USP43: variants seen among roughly 807,000 people sequenced by gnomAD.
USP43 encodes the protein ubiquitin specific peptidase 43.
In USP43, 33 loss-of-function variants were observed where a neutral mutation model predicts 90.7. That is an observed-to-expected ratio of 0.36 (90% CI 0.28 to 0.49). The LOEUF (loss-of-function observed/expected upper bound fraction) is 0.49. USP43 is among the 20% of genes least tolerant of loss of function. The probability of loss-of-function intolerance (pLI) is 0.98; values close to 1 mark genes in which losing one functional copy is unlikely to be tolerated. For missense variants in USP43, 1,274 were observed against 1,476.4 expected, an observed-to-expected ratio of 0.86 and a Z score of 2.25; for synonymous variants, 598 against 615.8, an observed-to-expected ratio of 0.97 and a Z score of 0.43.
intron 13 of USP43, 90 bp downstream of exon 13, chr17:9,710,204 GAGGTTGGCA>G: frequency 1.5e-6 from 2 of 1,321,920 alleles, no homozygotes; most frequent in Non-Finnish European, 1.9e-6. Context: ...AGGACCAGGA[GAGGTTGGCA>G]AGGATCTGAA....
chr17:9,684,811 A>G (rs2151978489), intron 7 of USP43, among the ~76,000 whole-genome samples: 1 of 152,134 alleles, frequency 6.6e-6, no homozygotes, highest in East Asian at 1.9e-4. Context: ...AGTGGGAGAA[A>G]TTCTGGTTGC....
At chr17:9,682,798 A>G (rs2151977541) in intron 6 of USP43, 25 bp from the exon 7 acceptor site, 3 of 1,611,762 alleles carry the variant, frequency 1.9e-6, no homozygotes, top group Middle Eastern at 3.3e-4. Flanking sequence ...AGGAATATGA[A>G]CAAATGTCAT....
At chr17:9,653,408 C>A (rs753126370) in intron 1 of USP43, among the ~76,000 whole-genome samples, 1 of 151,900 alleles carries the variant, frequency 6.6e-6, no homozygotes, top group African/African-American at 2.4e-5. Flanking sequence ...GCCAACATGG[C>A]GAAACCCCAT....
At position 9,669,207 on chromosome 17, in the gene USP43, G is replaced by A. The variant is rs146836755; in HGVS notation, c.740+2456G>A. On this transcript the variant is annotated intron_variant, in intron 3 of 14. Transcript: ENST00000285199. ...TGCTAGAACCAAAAATAAGGAGACA[G>A]AGGAAAAGCATAGAGAAAGTGAAAG... Among the ~76,000 whole-genome samples, 753 of 152,256 alleles carry A rather than the reference G, an allele frequency of 4.9e-3. 7 individuals carry two copies. Among genetic ancestry groups the A allele is most frequent in the African/African-American group, 0.017 (689 of 41,544 alleles).
intron 12 of USP43, among the ~76,000 whole-genome samples, chr17:9,706,007 G>A (rs1915855397): frequency 6.6e-6 from 1 of 152,162 alleles, no homozygotes; most frequent in African/African-American, 2.4e-5. Flanking sequence ...CTCCAGTAGA[G>A]TGTGTGATCA....
At position 9,671,155 on chromosome 17, in the gene USP43, C is replaced by T. The variant is rs535525205; in HGVS notation, c.741-3736C>T. On this transcript the variant is annotated intron_variant, in intron 3 of 14. Transcript: ENST00000285199. ...AAAGGAACCTCCAGTACTAGAGTAC[C>T]GAAGATCCTGGACTATAGCAAAGAT... Among the ~76,000 whole-genome samples the T allele has an allele frequency of 1.1e-4, 16 of 152,270 alleles. No individual in the cohort carries two copies. In the East Asian group the frequency reaches 2.7e-3, roughly 26 times the overall value.
intron 14 of USP43, among the ~76,000 whole-genome samples, chr17:9,727,049 C>T (rs371831179): frequency 1.3e-5 from 2 of 151,972 alleles, no homozygotes; most frequent in African/African-American, 4.8e-5. Context: ...TCACTGCAAC[C>T]TCCACCTCCA....
chr17:9,661,781 T>G (rs1912660640), intron 2 of USP43, among the ~76,000 whole-genome samples: 1 of 140,370 alleles, frequency 7.1e-6, no homozygotes, highest in African/African-American at 3.2e-5. Context: ...CTGCTGCCCC[T>G]CACTCCAGCC....
chr17:9,647,260 G>A (rs1911495705), intron 1 of USP43, among the ~76,000 whole-genome samples: 1 of 151,988 alleles, frequency 6.6e-6, no homozygotes, highest in Admixed American at 6.6e-5. Context: ...TGACCCATGA[G>A]ATGCCAACCC....
At chr17:9,714,666 G>C (rs1916393420) in intron 14 of USP43, among the ~76,000 whole-genome samples, 1 of 137,560 alleles carries the variant, frequency 7.3e-6, no homozygotes. Context: ...CTGGGCAACA[G>C]AGCAAGACTC....
chr17:9,729,008 G>C lies in USP43; in HGVS notation c.*18G>C. The stretch of plus-strand genomic sequence containing the variant: ...GCTTTTGATGGAGCGTGTCAGTATT[G>C]TGTGACGCTGGCATTCTTGGGACTT... On this transcript the variant is annotated 3_prime_UTR_variant, in exon 15 of 15. Coordinates refer to ENST00000285199, the MANE Select transcript of USP43 (RefSeq NM_153210.5). The C allele has an allele frequency of 1.3e-6, 2 of 1,507,986 alleles. No individual in the cohort carries two copies. The highest frequency in any genetic ancestry group is 3.6e-4 in the Middle Eastern group (2 of 5,586). 93.4% of individuals were successfully genotyped at this position (1,507,986 alleles called of 1,614,324 possible). A position where few individuals can be genotyped will look rare whatever the true frequency, so the allele number is the denominator to read the frequency against.
chr17:9,645,797 C>A lies in USP43; in HGVS notation c.165C>A (p.Gly55=). 7.2e-7 allele frequency: 1 copy of A among 1,389,906 alleles called. No individual in the cohort carries two copies. Among genetic ancestry groups the A allele is most frequent in the South Asian group, 1.7e-5 (1 of 59,174 alleles). The allele number at this position is 1,389,906 out of a possible 1,614,324, so 86.1% of individuals were successfully genotyped here. ...GGCCCCAGCCGGGACACTGTGATGGCGACGGTGAGGGGGGCTTCGCCTGCG... is the reference window on the plus strand; with the variant it reads ...GGCCCCAGCCGGGACACTGTGATGGAGACGGTGAGGGGGGCTTCGCCTGCG... ...PPRPQPGHCD[G]DGEGGFACAP... is the part of the protein sequence containing the mutation. Residue 55 remains glycine (G), a synonymous_variant, in exon 1 of 15, where the codon GGC becomes GGA. Coordinates refer to ENST00000285199, the MANE Select transcript of USP43 (RefSeq NM_153210.5). This position sits in a 1 kb window ranked among gnomAD's most constrained non-coding sequence, Gnocchi z 6.8.
intron 9 of USP43, among the ~76,000 whole-genome samples, chr17:9,693,470 T>C (rs565610154): frequency 7.2e-5 from 11 of 152,274 alleles, no homozygotes; most frequent in Admixed American, 6.5e-4. Flanking sequence ...TCTCAGAGGT[T>C]AGTTAACTTG....
chr17:9,725,834 C>T (rs545011268), intron 14 of USP43, among the ~76,000 whole-genome samples: 6 of 152,164 alleles, frequency 3.9e-5, no homozygotes, highest in Non-Finnish European at 8.8e-5. Context: ...GGCTAAAAGT[C>T]ACAGCTTTGT....
intron 6 of USP43, among the ~76,000 whole-genome samples, chr17:9,681,462 T>TTTTTTATATATATATATATA (rs1491455898): frequency 1.1e-4 from 2 of 18,582 alleles, no homozygotes; most frequent in African/African-American, 5.2e-4. Context: ...ATAAAATATA[T>TTTTTTATATATATATATATA]TATATATATA....
chr17:9,650,657 C>G (rs368994476), intron 1 of USP43, among the ~76,000 whole-genome samples: 18 of 152,238 alleles, frequency 1.2e-4, no homozygotes, highest in African/African-American at 4.3e-4. Flanking sequence ...CCTGCCTCGG[C>G]CTCTCATTAC....
At chr17:9,669,379 G>A (rs1030817225) in intron 3 of USP43, among the ~76,000 whole-genome samples, 27 of 152,056 alleles carry the variant, frequency 1.8e-4, no homozygotes, top group South Asian at 4.1e-4. Flanking sequence ...TTCCCCTCTC[G>A]TCCACATACT....
intron 14 of USP43, among the ~76,000 whole-genome samples, chr17:9,727,536 A>G (rs578081385): frequency 1.3e-5 from 2 of 151,790 alleles, no homozygotes; most frequent in South Asian, 4.2e-4. Flanking sequence ...AGGGTAGGAT[A>G]TCTGAGATTC....
At chr17:9,650,060 C>T (rs919248092) in intron 1 of USP43, among the ~76,000 whole-genome samples, 3 of 152,134 alleles carry the variant, frequency 2.0e-5, no homozygotes, top group East Asian at 1.9e-4. Context: ...ATGCCTTCTT[C>T]ACCACTCTTA....
Sources: gnomAD v4.1 joint callset for allele counts (sites outside exome capture counted in the v4.1 genomes callset) on GRCh38, gnomAD v4.1.1 for gene constraint, Gnocchi (gnomAD v3.1) non-coding constraint, MANE v1.5 for transcripts, NCBI Gene and HGNC (gene_info 2026-07-23, HGNC 2026-07-21) for gene names.